The following TEX11 variants were observed in gnomAD, a reference collection of about 807,000 sequenced individuals.
The protein encoded by TEX11 is testis-expressed protein 11.
A neutral mutation model predicts 84.4 loss-of-function variants in TEX11; 7 were observed. That is an observed-to-expected ratio of 0.08 (90% CI 0.05 to 0.16). The LOEUF (loss-of-function observed/expected upper bound fraction) is 0.16, where lower values mean the gene tolerates loss of function less well. TEX11 is among the 10% of genes least tolerant of loss of function. TEX11 has a pLI of 1.00. For missense variants in TEX11, 551 were observed against 660.5 expected, an observed-to-expected ratio of 0.83 and a Z score of 1.82; for synonymous variants, 264 against 222.8, an observed-to-expected ratio of 1.18 and a Z score of -1.64.
At chrX:70,579,027 C>A (rs915342937) in intron 25 of TEX11, among the ~76,000 whole-genome samples, 2 of 108,969 alleles carry the variant, frequency 1.8e-5, no homozygotes, top group African/African-American at 6.7e-5. Flanking sequence ...CCGCCTTGGC[C>A]TCCCAAAGTG....
intron 28 of TEX11, among the ~76,000 whole-genome samples, chrX:70,533,658 A>G (rs2087917663): frequency 8.9e-6 from 1 of 111,734 alleles, no homozygotes; most frequent in South Asian, 3.8e-4. Context: ...CTGACAGTGC[A>G]GAATGTGAGG....
intron 17 of TEX11, among the ~76,000 whole-genome samples, chrX:70,633,417 C>A (rs900366525): frequency 8.9e-6 from 1 of 111,789 alleles, no homozygotes; most frequent in African/African-American, 3.3e-5. Flanking sequence ...CTGTGAAAAA[C>A]CTACAGCTAA....
At chrX:70,550,608 A>G (rs1263464622) in intron 28 of TEX11, among the ~76,000 whole-genome samples, 1 of 112,247 alleles carries the variant, frequency 8.9e-6, no homozygotes, top group Non-Finnish European at 1.9e-5. Context: ...ACATTTCTCA[A>G]AAGAAGACAA....
intron 13 of TEX11, among the ~76,000 whole-genome samples, chrX:70,719,066 C>G (rs1378519988): frequency 9.0e-6 from 1 of 111,638 alleles, no homozygotes; most frequent in Non-Finnish European, 1.9e-5. Flanking sequence ...ACTAAGCCCC[C>G]TAATCTACAA....
intron 17 of TEX11, among the ~76,000 whole-genome samples, chrX:70,631,461 T>A (rs1315535176): frequency 4.5e-5 from 5 of 110,894 alleles, no homozygotes; most frequent in Non-Finnish European, 9.4e-5. Context: ...AATGAAAACA[T>A]CCTCTGCCAA....
At chrX:70,832,815 C>A (rs893966354) in intron 8 of TEX11, among the ~76,000 whole-genome samples, 28 of 112,011 alleles carry the variant, frequency 2.5e-4, no homozygotes, top group African/African-American at 9.1e-4. Context: ...CTCCAAATCC[C>A]AGTATAGAAA....
At chrX:70,633,198 A>C (rs1569366806) in intron 17 of TEX11, among the ~76,000 whole-genome samples, 2 of 112,471 alleles carry the variant, frequency 1.8e-5, no homozygotes, top group Non-Finnish European at 3.8e-5. Context: ...TTATATAAAA[A>C]GGAGTATACA....
In TEX11 at chrX:70,750,936, ATAT is replaced by A. The variant is rs1569429119; in HGVS notation, c.693-6720_693-6718del. Among the ~76,000 whole-genome samples, 151 of 36,522 alleles carry A rather than the reference ATAT, an allele frequency of 4.1e-3. 1 individual carries two copies. The highest frequency in any genetic ancestry group is 0.015 in the African/African-American group (134 of 8,864). The allele number at this position is 36,522 out of a possible 115,157, so 31.7% of individuals were successfully genotyped here. A position where few individuals can be genotyped will look rare whatever the true frequency, so the allele number is the denominator to read the frequency against. On this transcript the variant is annotated intron_variant, in intron 9 of 29. Coordinates refer to ENST00000374333, the MANE Select transcript of TEX11 (RefSeq NM_031276.3). ...TAAAGTATAATAAAAAAAAAAAAAT[ATAT>A]ATATATATATATATATATATATATA...
rs1365881278 is a variant in TEX11, at chrX:70,528,991, G to A, written c.*104C>T. 3.5e-6 allele frequency: 2 copies of A among 569,222 alleles called. No individual in the cohort carries two copies. The highest frequency in any genetic ancestry group is 3.5e-5 in the East Asian group (1 of 28,543). 46.9% of individuals were successfully genotyped at this position (569,222 alleles called of 1,213,427 possible). On this transcript the variant is annotated 3_prime_UTR_variant, in exon 30 of 30. Transcript: ENST00000374333. ...AAGTTTATTCAACAACATGAAAACAGGGTCTGAGCAAACAGAAACAAAAGC... is the reference window on the plus strand; with the variant it reads ...AAGTTTATTCAACAACATGAAAACAAGGTCTGAGCAAACAGAAACAAAAGC...
intron 25 of TEX11, among the ~76,000 whole-genome samples, chrX:70,564,869 G>A: frequency 9.1e-6 from 1 of 110,437 alleles, no homozygotes; most frequent in Non-Finnish European, 1.9e-5. Flanking sequence ...AAACATACGT[G>A]TGCATGTGTC....
downstream of TEX11, among the ~76,000 whole-genome samples, chrX:70,525,838 A>C (rs2087817269): frequency 8.9e-6 from 1 of 112,314 alleles, no homozygotes; most frequent in East Asian, 2.8e-4. Context: ...CGACTTCTCA[A>C]AGATAAGTAG....
intron 17 of TEX11, among the ~76,000 whole-genome samples, chrX:70,633,411 G>A (rs777949931): frequency 3.6e-5 from 4 of 111,659 alleles, no homozygotes; most frequent in African/African-American, 1.3e-4. Flanking sequence ...GGATATCTGT[G>A]AAAAACCTAC....
chrX:70,662,236 G>A (rs2089936384), intron 16 of TEX11, among the ~76,000 whole-genome samples: 1 of 111,826 alleles, frequency 8.9e-6, no homozygotes, highest in South Asian at 3.8e-4. Context: ...CTCAGTAGCC[G>A]ATTCGATCAA....
intron 7 of TEX11, among the ~76,000 whole-genome samples, chrX:70,840,273 C>T (rs1340514498): frequency 8.9e-6 from 1 of 111,991 alleles, no homozygotes; most frequent in African/African-American, 3.2e-5. Context: ...AGACTAACAG[C>T]TGATCTCTCT....
downstream of TEX11, among the ~76,000 whole-genome samples, chrX:70,528,466 C>T (rs1390630634): frequency 5.6e-5 from 6 of 106,870 alleles, no homozygotes; most frequent in Non-Finnish European, 9.7e-5. Context: ...TACAGGCACG[C>T]GCCACCATGC....
intron 12 of TEX11, among the ~76,000 whole-genome samples, chrX:70,723,084 A>G (rs2090573010): frequency 1.8e-5 from 2 of 111,893 alleles, no homozygotes; most frequent in African/African-American, 6.5e-5. Flanking sequence ...AAAATGGAGA[A>G]TATACCACCA....
At chrX:70,571,009 G>GTGT (rs141569205) in intron 25 of TEX11, among the ~76,000 whole-genome samples, 1,926 of 109,646 alleles carry the variant, frequency 0.018, 15 homozygotes, top group Non-Finnish European at 0.025. Flanking sequence ...TTGATTTTCT[G>GTGT]TGTTGTTGTT....
chrX:70,783,730 A>G (rs2091058176), intron 9 of TEX11, among the ~76,000 whole-genome samples: 1 of 112,119 alleles, frequency 8.9e-6, no homozygotes, highest in African/African-American at 3.2e-5. Context: ...ATCTCGAGGG[A>G]ATGGATAAAT....
chrX:70,769,394 C>T (rs1296744980), intron 9 of TEX11, among the ~76,000 whole-genome samples: 2 of 111,409 alleles, frequency 1.8e-5, no homozygotes, highest in Non-Finnish European at 3.8e-5. Context: ...GACATCACTA[C>T]TGACCTTTAG....
Sources: allele counts gnomAD v4.1 joint callset (sites outside exome capture counted in the v4.1 genomes callset), GRCh38; gene constraint gnomAD v4.1.1; transcripts MANE v1.5; gene names NCBI Gene and HGNC (gene_info 2026-07-23, HGNC 2026-07-21).